Variants in SH3YL1 observed in about 807,000 individuals in gnomAD.
SH3YL1 encodes SH3 domain-containing YSC84-like protein 1.
Under a neutral mutation model 45.8 loss-of-function variants are expected in SH3YL1, and 41 were observed. The observed-to-expected ratio is 0.89, with a 90% CI of 0.70 to 1.16. The LOEUF is 1.16. SH3YL1 is among the 50% of genes most tolerant of loss of function. The probability of loss-of-function intolerance (pLI) is 0.00; values close to 1 mark genes in which losing one functional copy is unlikely to be tolerated. For synonymous variants in SH3YL1, 152 were observed against 151.4 expected (o/e 1.00, Z -0.03); for missense variants, 389 against 409.6 (o/e 0.95, Z 0.43).
intron 2 of SH3YL1, among the ~76,000 whole-genome samples, chr2:250,545 A>G (rs900973724): frequency 6.6e-6 from 1 of 152,228 alleles, no homozygotes; most frequent in Admixed American, 6.5e-5. Flanking sequence ...ATAGTGCCAC[A>G]CGATTCTGTG....
chr2:222,068 AAGCT>A, intron 9 of SH3YL1, among the ~76,000 whole-genome samples: 1 of 152,302 alleles, frequency 6.6e-6, no homozygotes, highest in Middle Eastern at 3.4e-3. Context: ...AGTTACTAAA[AAGCT>A]AGGCATTCAC....
At chr2:243,475 G>C (rs1176346937) in intron 4 of SH3YL1, 4 of 1,498,634 alleles carry the variant, frequency 2.7e-6, no homozygotes, top group Non-Finnish European at 3.6e-6. Context: ...AATATTTTGA[G>C]ATTAAGGAAA....
chr2:225,040 G>C (rs1667736530), intron 8 of SH3YL1, 120 bp from the exon 9 acceptor site: 1 of 753,174 alleles, frequency 1.3e-6, no homozygotes, highest in Non-Finnish European at 2.4e-6. Context: ...AAGTTGATAG[G>C]ATCATCATCA....
intron 1 of SH3YL1, among the ~76,000 whole-genome samples, chr2:258,830 T>C (rs761382694): frequency 1.3e-5 from 2 of 152,188 alleles, no homozygotes; most frequent in Non-Finnish European, 2.9e-5. Context: ...TTCATGGCAG[T>C]TGTTCTTGCC....
chr2:236,847 G>A (rs919323688), intron 4 of SH3YL1, among the ~76,000 whole-genome samples: 6 of 152,104 alleles, frequency 3.9e-5, no homozygotes, highest in Non-Finnish European at 7.4e-5. Flanking sequence ...ATGCAAGTAT[G>A]TTCTTAATAA....
chr2:242,058 T>A (rs547640156), intron 4 of SH3YL1: 1 of 152,132 alleles, frequency 6.6e-6, no homozygotes, highest in South Asian at 2.1e-4. Flanking sequence ...TAAAAATAAA[T>A]TTTTTCTATA....
chr2:255,739 C>T (rs1161922209), intron 1 of SH3YL1: 1 of 152,144 alleles, frequency 6.6e-6, no homozygotes, highest in African/African-American at 2.4e-5. Context: ...GAAAAAAATC[C>T]ATCCCAAGAT....
chr2:249,762 G>A lies in SH3YL1; in HGVS notation c.195C>T (p.Ser65=), dbSNP rs1014955841. The change falls in exon 3 of 10, where the codon AGC becomes AGT. Residue 65 remains serine, a synonymous_variant. Transcript: ENST00000356150. ...CTGGAAGGCGCGCCACTACAATCCC[G>A]CTGCCTCCTCTGGCAGTCACCAGGA... ...AGFLVTARGG[S]GIVVARLPDG... 15 of 1,551,584 alleles carry A rather than the reference G, an allele frequency of 9.7e-6. No homozygotes were observed. Among genetic ancestry groups the A allele is most frequent in the South Asian group, 3.6e-5 (3 of 84,062 alleles).
At chr2:226,434 G>A (rs1336237034) in intron 8 of SH3YL1, among the ~76,000 whole-genome samples, 1 of 152,216 alleles carries the variant, frequency 6.6e-6, no homozygotes, top group African/African-American at 2.4e-5. Context: ...CAATTTATAT[G>A]AAGAGATGTT....
chr2:218,809 C>T lies in SH3YL1; in HGVS notation c.*2G>A. 1 of 1,606,606 alleles carries T rather than the reference C, an allele frequency of 6.2e-7. No homozygotes were observed. Among genetic ancestry groups the T allele is most frequent in the Non-Finnish European group, 8.5e-7 (1 of 1,175,522 alleles). On this transcript the variant is annotated 3_prime_UTR_variant, in exon 10 of 10. Coordinates refer to ENST00000356150, the MANE Select transcript of SH3YL1 (RefSeq NM_015677.4). ...TTCTCAAAGAAGAAAATAGTATACGCTTTAATTCATGGTTACGTAGTTGGC... is the reference window on the plus strand; with the variant it reads ...TTCTCAAAGAAGAAAATAGTATACGTTTTAATTCATGGTTACGTAGTTGGC...
At chr2:232,512 A>G (rs1668094281) in intron 6 of SH3YL1, among the ~76,000 whole-genome samples, 1 of 151,842 alleles carries the variant, frequency 6.6e-6, no homozygotes, top group Non-Finnish European at 1.5e-5. Flanking sequence ...TTGCATAGGT[A>G]TACATATGCC....
At chr2:243,603 T>C (rs747478475) in intron 4 of SH3YL1, 22 of 1,515,560 alleles carry the variant, frequency 1.5e-5, no homozygotes, top group Non-Finnish European at 1.8e-5. Flanking sequence ...TAACCTGAAC[T>C]ACCTATCAAC....
In SH3YL1 at chr2:218,391, T is replaced by C. The variant is rs1667436653; in HGVS notation, c.*420A>G. Reference sequence around the variant, plus strand: ...ATATTCTAGTTAATACCTACGACTCTAAACATTACTTAATACCTCATTTAA... The same window carrying C: ...ATATTCTAGTTAATACCTACGACTCCAAACATTACTTAATACCTCATTTAA... On this transcript the variant is annotated 3_prime_UTR_variant, in exon 10 of 10. Coordinates refer to ENST00000356150, the MANE Select transcript of SH3YL1 (RefSeq NM_015677.4). 6.4e-6 allele frequency: 1 copy of C among 155,656 alleles called. No homozygotes were observed. Among genetic ancestry groups the C allele is most frequent in the African/African-American group, 2.4e-5 (1 of 41,594 alleles). 9.6% of individuals were successfully genotyped at this position (155,656 alleles called of 1,614,324 possible).
chr2:246,927 A>G (rs1411465225), intron 4 of SH3YL1, among the ~76,000 whole-genome samples: 1 of 152,188 alleles, frequency 6.6e-6, no homozygotes, highest in Non-Finnish European at 1.5e-5. Flanking sequence ...TGAGAAGAAA[A>G]TGAGTTGAGC....
At chr2:228,932 G>A (rs903131233) in intron 8 of SH3YL1, among the ~76,000 whole-genome samples, 1 of 152,060 alleles carries the variant, frequency 6.6e-6, no homozygotes, top group Non-Finnish European at 1.5e-5. Flanking sequence ...TTTACTCCCC[G>A]CAAAACTTAT....
upstream of SH3YL1, chr2:264,294 C>A (rs1669746278): frequency 2.8e-6 from 1 of 354,732 alleles, no homozygotes; most frequent in Non-Finnish European, 5.1e-6. Flanking sequence ...GGCCCAAGGC[C>A]GCCCTGGTCC....
chr2:232,407 C>T (rs1379502157), intron 6 of SH3YL1, among the ~76,000 whole-genome samples: 2 of 151,280 alleles, frequency 1.3e-5, no homozygotes, highest in African/African-American at 2.4e-5. Context: ...GAAATCGGTG[C>T]ATCCAACTAA....
At chr2:252,452 G>A (rs1669110240) in intron 2 of SH3YL1, among the ~76,000 whole-genome samples, 1 of 152,074 alleles carries the variant, frequency 6.6e-6, no homozygotes, top group Non-Finnish European at 1.5e-5. Context: ...CCTGGGATGG[G>A]AGGCAGGAGA....
rs1668021199 is a variant in SH3YL1, at chr2:231,142, G to T, written c.583C>A (p.Pro195Thr). The part of the protein sequence containing the change: ...RAYDILFGDT[P>T]RPAQAEDLYE... ...AGATCTTCGGCTTGAGCAGGCCGCG[G>T]TGTATCTCCAAATAAAATGTCATAA... The change falls in exon 7 of 10, where the codon CCG (proline) becomes ACG (threonine). Residue 195 changes from proline to threonine, a missense_variant. Physicochemically the swap from Pro to Thr is conservative, Grantham distance 38. Transcript: ENST00000356150. The T allele has an allele frequency of 6.2e-7, 1 of 1,613,836 alleles. No homozygotes were observed. Among genetic ancestry groups the T allele is most frequent in the Admixed American group, 1.7e-5 (1 of 60,006 alleles).
Sources: allele counts gnomAD v4.1 joint callset (sites outside exome capture counted in the v4.1 genomes callset), GRCh38; gene constraint gnomAD v4.1.1; transcripts MANE v1.5; gene names NCBI Gene and HGNC (gene_info 2026-07-23, HGNC 2026-07-21).